Variants in MCU observed in about 807,000 individuals in gnomAD.
The protein encoded by MCU is calcium uniporter protein, mitochondrial.
MCU carries 12 observed loss-of-function variants against 45.2 expected under a neutral mutation model. That is an observed-to-expected ratio of 0.27 (90% CI 0.17 to 0.43). The LOEUF (loss-of-function observed/expected upper bound fraction) is 0.43. Among genes scored for constraint, MCU ranks in the 20% least tolerant of loss-of-function variants. The pLI is 1.00. For missense variants in MCU, 324 were observed against 436.7 expected (o/e 0.74, Z 2.30); for synonymous variants, 160 against 165.1 (o/e 0.97, Z 0.24).
chr10:72,727,510 C>G (rs1031433451), intron 1 of MCU, among the ~76,000 whole-genome samples: 8 of 152,210 alleles, frequency 5.3e-5, no homozygotes, highest in African/African-American at 1.9e-4. Flanking sequence ...TGATTACAAT[C>G]TGTCTTTTCA....
At chr10:72,776,258 C>G (rs1225791436) in intron 1 of MCU, among the ~76,000 whole-genome samples, 1 of 151,808 alleles carries the variant, frequency 6.6e-6, no homozygotes, top group African/African-American at 2.4e-5. Flanking sequence ...AGATAAGGAC[C>G]CAAGAAAAGA....
chr10:72,854,453 T>C (rs964330742), intron 2 of MCU, among the ~76,000 whole-genome samples: 4 of 152,164 alleles, frequency 2.6e-5, no homozygotes, highest in Admixed American at 6.5e-5. Flanking sequence ...CAGTTTATAA[T>C]ATATGTAGAA....
intron 1 of MCU, among the ~76,000 whole-genome samples, chr10:72,825,058 A>G (rs1844776020): frequency 6.6e-6 from 1 of 152,138 alleles, no homozygotes; most frequent in African/African-American, 2.4e-5. Flanking sequence ...TTCTGTACTG[A>G]TCTTTTTTTA....
intron 1 of MCU, chr10:72,736,454 T>G (rs1437087157): frequency 1.3e-5 from 2 of 152,222 alleles, no homozygotes; most frequent in Non-Finnish European, 2.9e-5. Flanking sequence ...AATATTTCCT[T>G]CTAACCCAGA....
intron 1 of MCU, among the ~76,000 whole-genome samples, chr10:72,758,877 A>G (rs987402873): frequency 2.0e-5 from 3 of 152,216 alleles, no homozygotes; most frequent in Non-Finnish European, 4.4e-5. Flanking sequence ...GACAGAATTA[A>G]TAAGTAGTGT....
At chr10:72,694,095 C>T (rs1201215099) in intron 1 of MCU, among the ~76,000 whole-genome samples, 1 of 152,060 alleles carries the variant, frequency 6.6e-6, no homozygotes, top group Non-Finnish European at 1.5e-5. Context: ...TAACTGAAAG[C>T]ACAATTAAAA....
chr10:72,818,994 C>G (rs1350872792), intron 1 of MCU, among the ~76,000 whole-genome samples: 1 of 152,014 alleles, frequency 6.6e-6, no homozygotes, highest in Non-Finnish European at 1.5e-5. Context: ...TAAACAGATG[C>G]CAGTTTTTAC....
At chr10:72,692,990 G>C (rs1242560312) in intron 1 of MCU, 1 of 1,536,034 alleles carries the variant, frequency 6.5e-7, no homozygotes, top group Non-Finnish European at 8.7e-7. Context: ...GGGTCCTTTC[G>C]AGGGCTACTG....
At chr10:72,734,434 T>C (rs1843223718) in intron 1 of MCU, among the ~76,000 whole-genome samples, 1 of 152,342 alleles carries the variant, frequency 6.6e-6, no homozygotes, top group African/African-American at 2.4e-5. Context: ...GTTACTAAAA[T>C]TAATTTTATC....
At chr10:72,693,197 TGTGAGA>T (rs1289625499) in intron 1 of MCU, 45 of 844,204 alleles carry the variant, frequency 5.3e-5, no homozygotes, top group Non-Finnish European at 7.0e-5. Context: ...TGTGTGTGTG[TGTGAGA>T]GAGAGAGAGA....
At chr10:72,736,991 A>G in intron 1 of MCU, among the ~76,000 whole-genome samples, 1 of 152,260 alleles carries the variant, frequency 6.6e-6, no homozygotes, top group East Asian at 1.9e-4. Context: ...TTGATACTTC[A>G]CTACAGTGTT....
Position 72,765,172 on chromosome 10 carries a change from C to T in MCU, c.151-69187C>T, listed in dbSNP as rs894215272. Among the ~76,000 whole-genome samples, 4 of 151,488 alleles carry T rather than the reference C, an allele frequency of 2.6e-5. No individual in the cohort carries two copies. In the East Asian group the frequency reaches 5.8e-4, roughly 22 times the overall value. ...ATTTTTGTGTTTTGGCCCTTAACCT[C>T]GGTCTATAAATTCAGTTGTTGATAG... On this transcript the variant is annotated intron_variant, in intron 1 of 7. Coordinates refer to ENST00000373053, the MANE Select transcript of MCU (RefSeq NM_138357.3).
chr10:72,734,104 G>A (rs1296307986), intron 1 of MCU, among the ~76,000 whole-genome samples: 1 of 152,040 alleles, frequency 6.6e-6, no homozygotes, highest in African/African-American at 2.4e-5. Flanking sequence ...TTCCTGATTG[G>A]GTGCGTTTGC....
chr10:72,871,624 G>A, intron 6 of MCU, 44 bp downstream of exon 6: 1 of 1,527,988 alleles, frequency 6.5e-7, no homozygotes, highest in Non-Finnish European at 9.1e-7. Flanking sequence ...TAGTAATAAA[G>A]TTTTGATTGT....
At chr10:72,804,076 AAT>A (rs1844390850) in intron 1 of MCU, among the ~76,000 whole-genome samples, 16 of 70,712 alleles carry the variant, frequency 2.3e-4, no homozygotes, top group African/African-American at 8.0e-4. Flanking sequence ...ATATATATAA[AAT>A]AAGAGTGCCA....
At chr10:72,848,005 G>A (rs1845147284) in intron 2 of MCU, among the ~76,000 whole-genome samples, 2 of 152,272 alleles carry the variant, frequency 1.3e-5, no homozygotes, top group South Asian at 4.1e-4. Flanking sequence ...TTATGACATA[G>A]TCTTGGAAGT....
chr10:72,738,359 C>T (rs1399986805), intron 1 of MCU, among the ~76,000 whole-genome samples: 2 of 152,152 alleles, frequency 1.3e-5, no homozygotes. Context: ...GTATATCCTA[C>T]ATGCTGGATT....
intron 6 of MCU, among the ~76,000 whole-genome samples, chr10:72,876,550 T>G (rs1045834416): frequency 7.9e-5 from 12 of 152,204 alleles, no homozygotes; most frequent in Non-Finnish European, 1.6e-4. Flanking sequence ...CTGCTTGTGT[T>G]TTTAATCATA....
At chr10:72,692,729 C>A in intron 1 of MCU, 1 of 1,276,534 alleles carries the variant, frequency 7.8e-7, no homozygotes, top group Non-Finnish European at 9.9e-7. Flanking sequence ...GCCGCGGCCG[C>A]CTTGTGTGTG....
Sources: allele counts gnomAD v4.1 joint callset (sites outside exome capture counted in the v4.1 genomes callset), GRCh38; gene constraint gnomAD v4.1.1; transcripts MANE v1.5; gene names NCBI Gene and HGNC (gene_info 2026-07-23, HGNC 2026-07-21).